Variants in TTN observed in about 807,000 individuals in gnomAD.
The protein encoded by TTN is connectin.
TTN carries 1,525 observed loss-of-function variants against 3,223.0 expected under a neutral mutation model. That is an observed-to-expected ratio of 0.47 (90% CI 0.45 to 0.49). TTN has a LOEUF of 0.49. TTN is among the 20% of genes least tolerant of loss of function. TTN has a pLI of 0.00. For missense variants in TTN, 40,786 were observed against 43,424.0 expected, an observed-to-expected ratio of 0.94 and a Z score of 5.40; for synonymous variants, 14,094 against 15,161.0, an observed-to-expected ratio of 0.93 and a Z score of 5.17.
intron 34 of TTN, 108 bp downstream of exon 34, chr2:178,771,103 T>C: frequency 2.0e-6 from 3 of 1,536,154 alleles, no homozygotes; most frequent in Admixed American, 1.8e-5. Flanking sequence ...AATGACTTTA[T>C]GAAATGAAAA....
intron 8 of TTN, among the ~76,000 whole-genome samples, chr2:178,794,164 T>C (rs989741891): frequency 6.6e-6 from 1 of 152,236 alleles, no homozygotes; most frequent in African/African-American, 2.4e-5. Context: ...CCTGCTCATA[T>C]AGCCCAGGTA....
Position 178,547,616 on chromosome 2 carries a change from C to T in TTN, c.94010G>A (p.Gly31337Glu), listed in dbSNP as rs1397790466. ...TATGTAATTAGTAATTTCAGTGCCTCCTCCATCTTTAGGTTCTCCCCATGA... is the reference window on the plus strand; with the variant it reads ...TATGTAATTAGTAATTTCAGTGCCTTCTCCATCTTTAGGTTCTCCCCATGA... The part of the protein sequence containing the change: ...VLSWGEPKDG[G>E]GTEITNYIVE... The change falls in exon 339 of 363, where the codon GGA becomes GAA. Residue 31337 changes from glycine (G) to glutamate (E), a missense_variant. Gly to Glu is a moderately conservative substitution (Grantham distance 98). Coordinates refer to ENST00000589042, the MANE Select transcript of TTN (RefSeq NM_001267550.2). 1 of 1,613,778 alleles carries T rather than the reference C, an allele frequency of 6.2e-7. No individual in the cohort carries two copies.
chr2:178,610,906 G>C (rs2056184535), intron 270 of TTN, 87 bp downstream of exon 270: 1 of 1,523,460 alleles, frequency 6.6e-7, no homozygotes, highest in African/African-American at 1.4e-5. Context: ...AGTTCATGAA[G>C]CCAATTATAT....
rs780271358 is a variant in TTN, at chr2:178,581,818, A to G, written c.66464-14T>C. 2 of 1,593,842 alleles carry G rather than the reference A, an allele frequency of 1.3e-6. No individual in the cohort carries two copies. The highest frequency in any genetic ancestry group is 1.1e-5 in the South Asian group (1 of 87,842). On this transcript the variant is annotated splice_polypyrimidine_tract_variant and intron_variant, in intron 315 of 362. Coordinates refer to ENST00000589042, the MANE Select transcript of TTN (RefSeq NM_001267550.2). The stretch of plus-strand genomic sequence containing the variant: ...GGCCAGGAGGATCTGAGAATAAATA[A>G]TGATAGGAAATTTTCATGAAAACTT...
intron 327 of TTN, 37 bp from the exon 328 acceptor site, chr2:178,558,272 G>A (rs973970755): frequency 1.3e-6 from 2 of 1,589,420 alleles, no homozygotes; most frequent in Admixed American, 1.9e-5. Context: ...GTGAAAAAGT[G>A]TTTCTGAAAA....
intron 350 of TTN, 105 bp downstream of exon 350, chr2:178,541,177 A>C: frequency 8.8e-7 from 1 of 1,135,546 alleles, no homozygotes; most frequent in East Asian, 2.7e-5. Flanking sequence ...TGATTACAAA[A>C]CAGTACATTT....
rs752417639 is a variant in TTN at position 178,532,953 on chromosome 2, T to C, written c.103662A>G (p.Glu34554=). 1.2e-6 allele frequency: 2 copies of C among 1,613,834 alleles called. No homozygotes were observed. Among genetic ancestry groups the C allele is most frequent in the Non-Finnish European group, 1.7e-6 (2 of 1,179,886 alleles). Residue 34554 remains glutamate, a synonymous_variant, in exon 358 of 363, where the codon GAA becomes GAG. Transcript: ENST00000589042. ...CGAACTGCTTGATGCGTTGGTCTTCTTCTATGGTAGTCTGCTTATACTTGC... is the reference window on the plus strand; with the variant it reads ...CGAACTGCTTGATGCGTTGGTCTTCCTCTATGGTAGTCTGCTTATACTTGC... The part of the protein sequence containing the change: ...EPRKYKQTTI[E]EDQRIKQFVP...
Position 178,613,780 on chromosome 2 carries a change from A to G in TTN, c.49503T>C (p.Asn16501=). The G allele has an allele frequency of 1.2e-6, 2 of 1,612,364 alleles. No homozygotes were observed. Among genetic ancestry groups the G allele is most frequent in the South Asian group, 2.2e-5 (2 of 90,996 alleles). The change falls in exon 263 of 363, where the codon AAT becomes AAC. Residue 16501 remains asparagine (N), a synonymous_variant. Transcript: ENST00000589042. ...ATGTTGTGTCCTTTACTGGCATCTT[A>G]TTGCATCTAACCCATTTATCTGTAT... ...DPDTDKWVRC[N]KMPVKDTTYR... is the part of the protein sequence containing the mutation.
Position 178,774,944 on chromosome 2 carries a change from G to A in TTN, c.6767C>T (p.Thr2256Met), listed in dbSNP as rs780758720. 2.7e-5 allele frequency: 44 copies of A among 1,613,634 alleles called. No individual in the cohort carries two copies. The highest frequency in any genetic ancestry group is 3.1e-5 in the Non-Finnish European group (36 of 1,179,886). ...CVLVEDENVK[T>M]TAKLIVEGAV... is the part of the protein sequence containing the mutation. ...ACCTTCAACAATAAGTTTAGCAGTC[G>A]TTTTGACATTTTCATCTTCCACAAG... The change falls in exon 29 of 363, where the codon ACG becomes ATG. Residue 2256 changes from threonine to methionine, a missense_variant. Thr to Met is a moderately conservative substitution (Grantham distance 81). Transcript: ENST00000589042.
In TTN at chr2:178,576,804, T is replaced by C. The variant is rs1396597790; in HGVS notation, c.69440A>G (p.Glu23147Gly). 6.2e-7 allele frequency: 1 copy of C among 1,612,840 alleles called. No homozygotes were observed. Among genetic ancestry groups the C allele is most frequent in the Admixed American group, 1.7e-5 (1 of 59,878 alleles). Residue 23147 changes from glutamate (E) to glycine (G), a missense_variant, in exon 325 of 363, where the codon GAG becomes GGG. Transcript: ENST00000589042. The surrounding 1 kb of genome is among the most constrained non-coding windows in gnomAD (Gnocchi z 4.3). ...FGPPGPPEKP[E>G]VSNVTKNTAT... is the part of the protein sequence containing the mutation. ...AGTGTTCTTAGTGACATTTGATACC[T>C]CTGGTTTTTCAGGAGGGCCAGGGGG...
rs774563759 is a variant in TTN, at chr2:178,615,497, G to A, written c.48461-13C>T. The A allele has an allele frequency of 4.3e-6, 7 of 1,610,034 alleles. No homozygotes were observed. Among genetic ancestry groups the A allele is most frequent in the Non-Finnish European group, 3.4e-6 (4 of 1,177,538 alleles). On this transcript the variant is annotated splice_polypyrimidine_tract_variant and intron_variant, in intron 258 of 362. Coordinates refer to ENST00000589042, the MANE Select transcript of TTN (RefSeq NM_001267550.2). ...GGGTCAGGTACCGCTACAACATTTG[G>A]AAGAGAGAGTCAGTCTTACACAGGC...
Position 178,565,415 on chromosome 2 carries a change from C to T in TTN, c.80717G>A (p.Arg26906Gln), listed in dbSNP as rs536183519. ...GACCCAAGAAATGTTAGGTCTTGGT[C>T]GGCCTATAACTGGAATTTCTATTTT... ...DLKIEIPVIG[R>Q]PRPNISWVKD... Residue 26906 changes from arginine (R) to glutamine (Q), a missense_variant, in exon 326 of 363, where the codon CGA becomes CAA. Physicochemically the swap from Arg to Gln is conservative, Grantham distance 43. Coordinates refer to ENST00000589042, the MANE Select transcript of TTN (RefSeq NM_001267550.2). 30 of 1,613,310 alleles carry T rather than the reference C, an allele frequency of 1.9e-5. No homozygotes were observed. The Middle Eastern group carries it at 8.3e-4, about 44-fold the overall frequency.
At chr2:178,753,049 A>G (rs1195253722) in intron 47 of TTN, 75 bp downstream of exon 47, 1 of 1,240,034 alleles carries the variant, frequency 8.1e-7, no homozygotes, top group African/African-American at 1.5e-5. Context: ...TAATACTAAG[A>G]GAAAGAAGGC....
At chr2:178,600,223 A>T (rs1480429371) in intron 288 of TTN, among the ~76,000 whole-genome samples, 1 of 151,910 alleles carries the variant, frequency 6.6e-6, no homozygotes, top group African/African-American at 2.4e-5. Flanking sequence ...GAAGGGATAC[A>T]CAAGAAGGTG....
At position 178,773,579 on chromosome 2, in the gene TTN, C is replaced by A; in HGVS notation, c.7477G>T (p.Ala2493Ser). The change falls in exon 32 of 363, where the codon GCC becomes TCC. Residue 2493 changes from alanine to serine, a missense_variant. Coordinates refer to ENST00000589042, the MANE Select transcript of TTN (RefSeq NM_001267550.2). ...CGCTGTTTAGTACCTTTCACAATGG[C>A]CTGTACACGGTCATCAGGCTTGATT... The part of the protein sequence containing the change: ...EQIKPDDRVQ[A>S]IVKGTKQRLV... 1.2e-6 allele frequency: 2 copies of A among 1,614,024 alleles called. No homozygotes were observed. Among genetic ancestry groups the A allele is most frequent in the Non-Finnish European group, 1.7e-6 (2 of 1,179,956 alleles).
intron 111 of TTN, among the ~76,000 whole-genome samples, chr2:178,700,704 AGAG>A: frequency 6.6e-6 from 1 of 152,248 alleles, no homozygotes. Flanking sequence ...TAAATTTTTA[AGAG>A]TAGTTAATAC....
Position 178,634,917 on chromosome 2 carries a change from A to G in TTN, c.42025-68T>C, listed in dbSNP as rs918184387. 7.2e-6 allele frequency: 11 copies of G among 1,528,026 alleles called. No individual in the cohort carries two copies. The African/African-American group carries it at 1.3e-4, about 17-fold the overall frequency. The allele number at this position is 1,528,026 out of a possible 1,614,324, so 94.7% of individuals were successfully genotyped here. ...TCCCTATAGGAGAAGTGTTTCAGAT[A>G]CAAATTTCTATAGAGTTTTAAAAAT... On this transcript the variant is annotated intron_variant, in intron 228 of 362. Transcript: ENST00000589042. This position sits in a 1 kb window ranked among gnomAD's most constrained non-coding sequence, Gnocchi z 4.6.
rs369771893 is a variant in TTN, at chr2:178,633,942, G to T, written c.42557C>A (p.Thr14186Lys). 2.5e-6 allele frequency: 4 copies of T among 1,613,260 alleles called. No individual in the cohort carries two copies. Among genetic ancestry groups the T allele is most frequent in the Non-Finnish European group, 3.4e-6 (4 of 1,179,580 alleles). ...CTTGCCCTCAGAAGAGATGAGTACT[G>T]TTCTGCTTGTATGGAGTTTGGCATC... ...KNDAKLHTSR[T>K]VLISSEGKTH... is the part of the protein sequence containing the mutation. Residue 14186 changes from threonine to lysine, a missense_variant, in exon 231 of 363, where the codon ACA (threonine) becomes AAA (lysine). By Grantham distance (78) the Thr-to-Lys change is moderately conservative. Transcript: ENST00000589042.
At chr2:178,653,369 G>C (rs763663344) in intron 197 of TTN, 48 bp from the exon 198 acceptor site, 2 of 1,609,100 alleles carry the variant, frequency 1.2e-6, no homozygotes, top group Admixed American at 3.4e-5. Flanking sequence ...GAGACTACTA[G>C]CAAAATATAC....
Sources: gnomAD v4.1 joint callset for allele counts (sites outside exome capture counted in the v4.1 genomes callset) on GRCh38, gnomAD v4.1.1 for gene constraint, Gnocchi (gnomAD v3.1) non-coding constraint, MANE v1.5 for transcripts, NCBI Gene and HGNC (gene_info 2026-07-23, HGNC 2026-07-21) for gene names.